Variants in ST3GAL3 observed in about 807,000 individuals in gnomAD.
ST3GAL3 encodes the protein ST3 beta-galactoside alpha-2,3-sialyltransferase 3.
In ST3GAL3, 21 loss-of-function variants were observed where a neutral mutation model predicts 50.1. That is an observed-to-expected ratio of 0.42 (90% confidence interval 0.30 to 0.60). The LOEUF (loss-of-function observed/expected upper bound fraction) is 0.60. ST3GAL3 is among the 20% of genes least tolerant of loss of function. The pLI, the probability that ST3GAL3 is intolerant of heterozygous loss-of-function variation, is 0.19. For synonymous variants in ST3GAL3, 183 were observed against 190.0 expected, an observed-to-expected ratio of 0.96 and a Z score of 0.30; for missense variants, 353 against 489.4, an observed-to-expected ratio of 0.72 and a Z score of 2.63.
intron 3 of ST3GAL3, 73 bp downstream of exon 3, chr1:43,792,222 G>A: frequency 6.3e-7 from 1 of 1,590,682 alleles, no homozygotes; most frequent in Non-Finnish European, 8.6e-7. Flanking sequence ...GCCTAATCAA[G>A]TATGGGTTTG....
At chr1:43,761,263 T>C (rs762072967) in intron 2 of ST3GAL3, among the ~76,000 whole-genome samples, 6 of 152,296 alleles carry the variant, frequency 3.9e-5, no homozygotes, top group Non-Finnish European at 7.4e-5. Flanking sequence ...TGGAGTTTAT[T>C]TGGCTATATA....
chr1:43,857,508 TTC>T (rs1558603677), intron 5 of ST3GAL3, among the ~76,000 whole-genome samples: 2 of 140,394 alleles, frequency 1.4e-5, no homozygotes, highest in African/African-American at 2.6e-5. Context: ...TCCCTCTTCC[TTC>T]CTTCCTTCCT....
intron 4 of ST3GAL3, among the ~76,000 whole-genome samples, chr1:43,830,093 AG>A (rs2063345112): frequency 1.5e-5 from 2 of 136,610 alleles, no homozygotes; most frequent in Non-Finnish European, 3.0e-5. Flanking sequence ...CTGCAGCCTC[AG>A]CTCAAGCAAT....
At chr1:43,848,651 A>C (rs977037520) in intron 5 of ST3GAL3, among the ~76,000 whole-genome samples, 10 of 152,182 alleles carry the variant, frequency 6.6e-5, no homozygotes, top group South Asian at 2.1e-4. Flanking sequence ...TTAACTCCTC[A>C]GATCTGTAGG....
intron 2 of ST3GAL3, among the ~76,000 whole-genome samples, chr1:43,783,129 G>A (rs1326253019): frequency 1.3e-5 from 2 of 152,152 alleles, no homozygotes; most frequent in African/African-American, 4.8e-5. Context: ...CAAGATTTAA[G>A]TAGGTTGCCC....
At chr1:43,731,196 A>T (rs1194100797) in intron 1 of ST3GAL3, among the ~76,000 whole-genome samples, 1 of 151,892 alleles carries the variant, frequency 6.6e-6, no homozygotes, top group African/African-American at 2.4e-5. Flanking sequence ...ACATACCACC[A>T]TGCCTGAATA....
chr1:43,891,172 AG>A (rs1373901739), intron 5 of ST3GAL3, among the ~76,000 whole-genome samples: 1 of 152,216 alleles, frequency 6.6e-6, no homozygotes, highest in African/African-American at 2.4e-5. Context: ...TTTTCATACA[AG>A]AAAGCCAGGA....
rs369486334 is a variant in ST3GAL3 at position 43,751,816 on chromosome 1, A to AT, written c.118+15445dup. Among the ~76,000 whole-genome samples the AT allele has an allele frequency of 7.4e-4, 111 of 150,782 alleles. 1 individual carries two copies. Among genetic ancestry groups the AT allele is most frequent in the African/African-American group, 2.2e-3 (91 of 41,096 alleles). On this transcript the variant is annotated intron_variant, in intron 2 of 11. Coordinates refer to ENST00000347631, the MANE Select transcript of ST3GAL3 (RefSeq NM_006279.5). ...ACCTTACGAGGTTGTAATTGGTTAC[A>AT]TTTTTTTTTGTTCTGTTTTTTTTTG...
chr1:43,731,557 A>ATT lies in ST3GAL3; in HGVS notation c.-30-4656_-30-4655dup, dbSNP rs147263689. Among the ~76,000 whole-genome samples the ATT allele has an allele frequency of 8.3e-3, 1,026 of 123,536 alleles. 21 individuals are homozygous for ATT. The highest frequency in any genetic ancestry group is 0.03 in the African/African-American group (971 of 32,426). 81.0% of individuals were successfully genotyped at this position (123,536 alleles called of 152,430 possible). On this transcript the variant is annotated intron_variant, in intron 1 of 11. Coordinates refer to ENST00000347631, the MANE Select transcript of ST3GAL3 (RefSeq NM_006279.5). ...CCGCCACCATGCCCGGCTAATTTTA[A>ATT]TTTTTTTTTTTTTTTTTTTTTAGTA... is the stretch of plus-strand genomic sequence containing the variant.
chr1:43,924,367 C>G lies in ST3GAL3; in HGVS notation c.1038+3439C>G, dbSNP rs143082247. Among the ~76,000 whole-genome samples, 3 of 152,218 alleles carry G rather than the reference C, an allele frequency of 2.0e-5. No individual in the cohort carries two copies. In the East Asian group the frequency reaches 5.8e-4, roughly 29 times the overall value. ...GCTTTTATCAGCCTCCTGGCTTCTACGTTTACTTATATCTTTGGTCTTTTA... is the reference window on the plus strand; with the variant it reads ...GCTTTTATCAGCCTCCTGGCTTCTAGGTTTACTTATATCTTTGGTCTTTTA... On this transcript the variant is annotated intron_variant, in intron 11 of 11. Coordinates refer to ENST00000347631, the MANE Select transcript of ST3GAL3 (RefSeq NM_006279.5).
chr1:43,764,116 A>G (rs547092900), intron 2 of ST3GAL3, among the ~76,000 whole-genome samples: 4 of 152,352 alleles, frequency 2.6e-5, no homozygotes, highest in Non-Finnish European at 5.9e-5. Context: ...GCACAGATGA[A>G]TAATATTAAT....
chr1:43,919,061 CTT>C (rs1186775898), intron 9 of ST3GAL3: 1 of 76,426 alleles, frequency 1.3e-5, no homozygotes, highest in African/African-American at 3.9e-5. Context: ...TCTTTCCTTT[CTT>C]TGTTTCTTTT....
At chr1:43,926,082 C>T (rs989472311) in intron 11 of ST3GAL3, among the ~76,000 whole-genome samples, 1 of 152,076 alleles carries the variant, frequency 6.6e-6, no homozygotes, top group African/African-American at 2.4e-5. Flanking sequence ...AGAGACTGGG[C>T]AGTAGCTAGA....
chr1:43,739,603 A>G (rs1219690252), intron 2 of ST3GAL3, among the ~76,000 whole-genome samples: 1 of 152,224 alleles, frequency 6.6e-6, no homozygotes, highest in Non-Finnish European at 1.5e-5. Flanking sequence ...TAAACTGGAT[A>G]TAAGATGAAC....
chr1:43,744,699 A>AAT (rs1438821755), intron 2 of ST3GAL3, among the ~76,000 whole-genome samples: 113 of 122,932 alleles, frequency 9.2e-4, no homozygotes, highest in South Asian at 3.9e-3. Context: ...AAATAAAATA[A>AAT]AAAATAAAAT....
At position 43,757,080 on chromosome 1, in the gene ST3GAL3, T is replaced by A. The variant is rs151064173; in HGVS notation, c.118+20700T>A. ...CCACCACGCCTAGCTAACTTTTATA[T>A]TTTTAGTAGAGATGGGGTTTCACCA... On this transcript the variant is annotated intron_variant, in intron 2 of 11. Transcript: ENST00000347631. Among the ~76,000 whole-genome samples, 807 of 152,112 alleles carry A rather than the reference T, an allele frequency of 5.3e-3. 16 individuals carry two copies. The highest frequency in any genetic ancestry group is 0.018 in the African/African-American group (750 of 41,468).
chr1:43,747,916 G>A (rs1164180014), intron 2 of ST3GAL3, among the ~76,000 whole-genome samples: 1 of 152,026 alleles, frequency 6.6e-6, no homozygotes, highest in Non-Finnish European at 1.5e-5. Flanking sequence ...CGTTACGTAT[G>A]CAGGATTGAC....
intron 4 of ST3GAL3, among the ~76,000 whole-genome samples, chr1:43,818,149 G>T (rs943180153): frequency 6.6e-6 from 1 of 151,986 alleles, no homozygotes; most frequent in Non-Finnish European, 1.5e-5. Context: ...TGAAATTCTG[G>T]TTAAATTTTA....
At chr1:43,928,320 G>T (rs1347908574) in intron 11 of ST3GAL3, among the ~76,000 whole-genome samples, 5 of 152,106 alleles carry the variant, frequency 3.3e-5, no homozygotes, top group Non-Finnish European at 5.9e-5. Flanking sequence ...ACAGTTATTG[G>T]CCGGGCACGA....
Sources: allele counts gnomAD v4.1 joint callset (sites outside exome capture counted in the v4.1 genomes callset), GRCh38; gene constraint gnomAD v4.1.1; transcripts MANE v1.5; gene names NCBI Gene and HGNC (gene_info 2026-07-23, HGNC 2026-07-21).